AP5Z1: variants seen among roughly 807,000 people sequenced by gnomAD.
The protein encoded by AP5Z1 is AP-5 complex subunit zeta-1.
In AP5Z1, 106 loss-of-function variants were observed where a neutral mutation model predicts 83.0. The ratio of observed to expected loss-of-function variants is 1.28; its 90% CI spans 1.09 to 1.50. The LOEUF (loss-of-function observed/expected upper bound fraction) is 1.50, where lower values mean the gene tolerates loss of function less well. AP5Z1 is among the 40% of genes most tolerant of loss of function. The probability of loss-of-function intolerance (pLI) is 0.00; values close to 1 mark genes in which losing one functional copy is unlikely to be tolerated. For synonymous variants in AP5Z1, 751 were observed against 514.1 expected, an observed-to-expected ratio of 1.46 and a Z score of -6.23; for missense variants, 1,565 against 1,094.2, an observed-to-expected ratio of 1.43 and a Z score of -6.07.
chr7:4,781,759 C>G lies in AP5Z1; in HGVS notation c.366+5C>G. 2 of 1,548,722 alleles carry G rather than the reference C, an allele frequency of 1.3e-6. No individual in the cohort carries two copies. Among genetic ancestry groups the G allele is most frequent in the Non-Finnish European group, 8.8e-7 (1 of 1,138,624 alleles). ...GCCTCCGTTCTCTTGGCCCAGGTAGCGCAGCAGTCACCACCCCAGTTGGCA... is the reference window on the plus strand; with the variant it reads ...GCCTCCGTTCTCTTGGCCCAGGTAGGGCAGCAGTCACCACCCCAGTTGGCA... On this transcript the variant is annotated splice_donor_5th_base_variant and intron_variant, in intron 3 of 16. Transcript: ENST00000649063.
chr7:4,782,090 C>T lies in AP5Z1; in HGVS notation c.366+336C>T, dbSNP rs1003959329. On this transcript the variant is annotated intron_variant, in intron 3 of 16. Coordinates refer to ENST00000649063, the MANE Select transcript of AP5Z1 (RefSeq NM_014855.3). Reference sequence around the variant, plus strand: ...TTTTTAGAAACAGGGTCTCACTCTGCTGTCCAGTGTAGAGTGCCATGGAGT... The same window carrying T: ...TTTTTAGAAACAGGGTCTCACTCTGTTGTCCAGTGTAGAGTGCCATGGAGT... Among the ~76,000 whole-genome samples, 8 of 152,266 alleles carry T rather than the reference C, an allele frequency of 5.3e-5. 1 individual carries two copies. Among genetic ancestry groups the T allele is most frequent in the Middle Eastern group, 3.4e-3 (1 of 294 alleles).
At chr7:4,782,815 ACTG>A (rs1417381752) in intron 3 of AP5Z1, among the ~76,000 whole-genome samples, 1 of 152,120 alleles carries the variant, frequency 6.6e-6, no homozygotes, top group Non-Finnish European at 1.5e-5. Context: ...ATCTTGCAGA[ACTG>A]CTGCCAGGCG....
chr7:4,781,528 G>T, intron 2 of AP5Z1, 40 bp from the exon 3 acceptor site: 1 of 1,591,498 alleles, frequency 6.3e-7, no homozygotes, highest in Non-Finnish European at 8.6e-7. Context: ...TGCCACGGTC[G>T]TGACGTGTTA....
At chr7:4,787,197 C>T (rs769491409) in intron 10 of AP5Z1, among the ~76,000 whole-genome samples, 11 of 151,932 alleles carry the variant, frequency 7.2e-5, no homozygotes, top group Admixed American at 1.3e-4. Context: ...CCTGTTGGTA[C>T]GAAAGTAGAT....
intron 7 of AP5Z1, 31 bp from the exon 8 acceptor site, chr7:4,785,384 A>C (rs764981129): frequency 6.2e-7 from 1 of 1,610,672 alleles, no homozygotes; most frequent in Non-Finnish European, 8.5e-7. Flanking sequence ...AGGCTGAGAC[A>C]GAGCCGGCTG....
intron 13 of AP5Z1, chr7:4,789,157 C>T: frequency 7.5e-6 from 4 of 533,270 alleles, no homozygotes; most frequent in Non-Finnish European, 1.3e-5. Context: ...TTCCAGCAGG[C>T]CCCGTTCCCC....
chr7:4,777,353 C>CTTTATTTATTTATTTATTTATTTA (rs10676677), intron 1 of AP5Z1, among the ~76,000 whole-genome samples: 3 of 148,844 alleles, frequency 2.0e-5, no homozygotes, highest in African/African-American at 7.5e-5. Context: ...GAAGAGCCCT[C>CTTTATTTATTTATTTATTTATTTA]TTTATTTATT....
intron 5 of AP5Z1, 60 bp from the exon 6 acceptor site, chr7:4,784,143 A>G: frequency 6.6e-7 from 1 of 1,516,684 alleles, no homozygotes; most frequent in South Asian, 1.2e-5. Flanking sequence ...CTTGTGCTAA[A>G]GGCTGGCGTT....
Position 4,789,212 on chromosome 7 carries a change from A to G in AP5Z1, c.1707+261A>G, listed in dbSNP as rs183357049. On this transcript the variant is annotated intron_variant, in intron 13 of 16. Transcript: ENST00000649063. Reference sequence around the variant, plus strand: ...TCATCCCGGCAGGCCACGTCCCCCAATCCCCGTCCCATCCCCTTCATCCCG... The same window carrying G: ...TCATCCCGGCAGGCCACGTCCCCCAGTCCCCGTCCCATCCCCTTCATCCCG... Among the ~76,000 whole-genome samples, 58 of 144,416 alleles carry G rather than the reference A, an allele frequency of 4.0e-4. 2 individuals carry two copies. The South Asian group carries it at 0.012, about 30-fold the overall frequency. The allele number at this position is 144,416 out of a possible 152,430, so 94.7% of individuals were successfully genotyped here.
chr7:4,784,507 C>A, intron 6 of AP5Z1, 136 bp downstream of exon 6: 1 of 1,105,122 alleles, frequency 9.0e-7, no homozygotes, highest in Non-Finnish European at 1.3e-6. Flanking sequence ...CTGAGCAACG[C>A]AGCCTGCTGA....
At position 4,781,807 on chromosome 7, in the gene AP5Z1, ACAGGGGAGACAGGAAG is replaced by A. The variant is rs1781390464; in HGVS notation, c.366+60_366+75del. ...GCACCGGATGGCTGCTTCCCAAGGA[ACAGGGGAGACAGGAAG>A]CAGGGGCGCCAGAGCCGGCAGGTGG... On this transcript the variant is annotated intron_variant, in intron 3 of 16. Transcript: ENST00000649063. 6 of 1,466,100 alleles carry A rather than the reference ACAGGGGAGACAGGAAG, an allele frequency of 4.1e-6. No individual in the cohort carries two copies. In the South Asian group the frequency reaches 6.0e-5, roughly 15 times the overall value. The allele number at this position is 1,466,100 out of a possible 1,614,324, so 90.8% of individuals were successfully genotyped here.
At position 4,792,178 on chromosome 7, in the gene AP5Z1, G is replaced by A. The variant is rs1017529425; in HGVS notation, c.*793G>A. ...GCCCCGCCACCTTCCTGGGCCCTGT[G>A]GTCCCACCCTCCGGACTACCAAGGC... On this transcript the variant is annotated 3_prime_UTR_variant, in exon 17 of 17. Coordinates refer to ENST00000649063, the MANE Select transcript of AP5Z1 (RefSeq NM_014855.3). 7.2e-5 allele frequency: 11 copies of A among 152,172 alleles called. No individual in the cohort carries two copies. Among genetic ancestry groups the A allele is most frequent in the African/African-American group, 2.7e-4 (11 of 41,418 alleles). 9.4% of individuals were successfully genotyped at this position (152,172 alleles called of 1,614,324 possible). A position where few individuals can be genotyped will look rare whatever the true frequency, so the allele number is the denominator to read the frequency against.
chr7:4,779,545 C>T (rs969027876), intron 1 of AP5Z1, among the ~76,000 whole-genome samples: 4 of 151,362 alleles, frequency 2.6e-5, no homozygotes, highest in African/African-American at 9.7e-5. Context: ...ACAATCTCAG[C>T]TCACTGCAGC....
At chr7:4,788,999 A>T in intron 13 of AP5Z1, 48 bp downstream of exon 13, 1 of 1,526,176 alleles carries the variant, frequency 6.6e-7, no homozygotes, top group Non-Finnish European at 8.9e-7. Flanking sequence ...CTCACAACTG[A>T]GGGGCAGGCC....
rs114137831 is a variant in AP5Z1 at position 4,787,614 on chromosome 7, C to T, written c.1312-20C>T. On this transcript the variant is annotated intron_variant, in intron 10 of 16. Transcript: ENST00000649063. ...TCCACAGCTCCGAGCCGTGTCCGAA[C>T]CGCTGTGCTGTGCCCACAGTTCCTG... The T allele has an allele frequency of 1.6e-3, 2,441 of 1,547,038 alleles. 27 individuals are homozygous for T. In the African/African-American group the frequency reaches 0.028, roughly 18 times the overall value.
rs1186988606 is a variant in AP5Z1 at position 4,792,585 on chromosome 7, G to A, written c.*1200G>A. On this transcript the variant is annotated 3_prime_UTR_variant, in exon 17 of 17. Coordinates refer to ENST00000649063, the MANE Select transcript of AP5Z1 (RefSeq NM_014855.3). ...TCCTCACCGCCAGGTTCCAGCCCAGGAAGCGCTCGCCTGCCCCACAGCCTG... is the reference window on the plus strand; with the variant it reads ...TCCTCACCGCCAGGTTCCAGCCCAGAAAGCGCTCGCCTGCCCCACAGCCTG... The A allele has an allele frequency of 6.6e-6, 1 of 152,270 alleles. No individual in the cohort carries two copies. The highest frequency in any genetic ancestry group is 1.5e-5 in the Non-Finnish European group (1 of 68,094). 9.4% of individuals were successfully genotyped at this position (152,270 alleles called of 1,614,324 possible). A position where few individuals can be genotyped will look rare whatever the true frequency, so the allele number is the denominator to read the frequency against.
chr7:4,791,699 T>C lies in AP5Z1; in HGVS notation c.*314T>C, dbSNP rs768009110. 7 of 446,150 alleles carry C rather than the reference T, an allele frequency of 1.6e-5. No homozygotes were observed. The highest frequency in any genetic ancestry group is 4.4e-5 in the South Asian group (1 of 22,732). 27.6% of individuals were successfully genotyped at this position (446,150 alleles called of 1,614,324 possible). A position where few individuals can be genotyped will look rare whatever the true frequency, so the allele number is the denominator to read the frequency against. ...GCTGGGTCTGTTTCCTAGTCTTTTG[T>C]TTTTGGACAGTTGATGGGCAAGAAG... On this transcript the variant is annotated 3_prime_UTR_variant, in exon 17 of 17. Coordinates refer to ENST00000649063, the MANE Select transcript of AP5Z1 (RefSeq NM_014855.3).
At chr7:4,788,029 C>T (rs1781610967) in intron 11 of AP5Z1, 125 bp from the exon 12 acceptor site, 1 of 1,397,488 alleles carries the variant, frequency 7.2e-7, no homozygotes, top group South Asian at 1.5e-5. Context: ...GCCTCCCATG[C>T]CAAGCCCTTC....
chr7:4,783,668 A>T, intron 4 of AP5Z1, 21 bp from the exon 5 acceptor site: 1 of 1,545,084 alleles, frequency 6.5e-7, no homozygotes, highest in Non-Finnish European at 8.8e-7. Flanking sequence ...TCACCTCCCC[A>T]TGCCACCCCA....
Sources: allele counts gnomAD v4.1 joint callset (sites outside exome capture counted in the v4.1 genomes callset), GRCh38; gene constraint gnomAD v4.1.1; transcripts MANE v1.5; gene names NCBI Gene and HGNC (gene_info 2026-07-23, HGNC 2026-07-21).